Variants in HERC3 observed in about 807,000 individuals in gnomAD.
The protein encoded by HERC3 is HECT and RLD domain containing E3 ubiquitin protein ligase 3.
In HERC3, 58 loss-of-function variants were observed where a neutral mutation model predicts 129.9. The ratio of observed to expected loss-of-function variants is 0.45; its 90% CI spans 0.36 to 0.56. The LOEUF is 0.56. Among genes scored for constraint, HERC3 ranks in the 20% least tolerant of loss-of-function variants. HERC3 has a pLI of 0.00. For synonymous variants in HERC3, 430 were observed against 451.0 expected (o/e 0.95, Z 0.59); for missense variants, 835 against 1,244.2 (o/e 0.67, Z 4.95).
At chr4:88,669,446 C>CT (rs900640442) in intron 14 of HERC3, among the ~76,000 whole-genome samples, 40 of 152,222 alleles carry the variant, frequency 2.6e-4, no homozygotes, top group African/African-American at 9.2e-4. Context: ...ATTGGTGCTG[C>CT]TTCTAGGGTA....
the HERC3 span, among the ~76,000 whole-genome samples, chr4:88,576,402 C>T: frequency 1.1e-4 from 16 of 152,138 alleles, no homozygotes; most frequent in South Asian, 3.3e-3. Context: ...AATTTACCTC[C>T]TGCCACCCCT....
chr4:88,541,054 C>G, the HERC3 span, among the ~76,000 whole-genome samples: 1 of 152,136 alleles, frequency 6.6e-6, no homozygotes, highest in African/African-American at 2.4e-5. Context: ...AAATAACCAG[C>G]TAACATCATA....
At chr4:88,653,192 A>G (rs1202198141) in intron 6 of HERC3, 102 bp downstream of exon 6, 1 of 1,120,596 alleles carries the variant, frequency 8.9e-7, no homozygotes, top group Non-Finnish European at 1.3e-6. Context: ...TGAGATACTA[A>G]GGGAGAAGCA....
intron 23 of HERC3, chr4:88,697,442 G>A (rs1397160916): frequency 6.2e-7 from 1 of 1,614,064 alleles, no homozygotes; most frequent in Admixed American, 1.7e-5. Context: ...TTTTTTTCCA[G>A]AGCCTGAAAT....
chr4:88,529,843 A>C, the HERC3 span, among the ~76,000 whole-genome samples: 1 of 152,210 alleles, frequency 6.6e-6, no homozygotes, highest in Non-Finnish European at 1.5e-5. Context: ...TTTTTTATTT[A>C]ATAAAGTAGT....
At chr4:88,654,342 G>C (rs922416680) in intron 7 of HERC3, among the ~76,000 whole-genome samples, 1 of 86,636 alleles carries the variant, frequency 1.2e-5, no homozygotes, top group Non-Finnish European at 2.2e-5. Context: ...TAATCTTGTA[G>C]ATTTTTCATA....
chr4:88,661,323 T>C (rs1218418555), intron 10 of HERC3, among the ~76,000 whole-genome samples: 1 of 152,236 alleles, frequency 6.6e-6, no homozygotes, highest in African/African-American at 2.4e-5. Flanking sequence ...AGAATAGTTA[T>C]CAATAACCAG....
rs894383332 is a variant in HERC3, at chr4:88,704,496, T to C, written c.2842-12T>C. On this transcript the variant is annotated splice_polypyrimidine_tract_variant and intron_variant, in intron 24 of 25. Coordinates refer to ENST00000402738, the MANE Select transcript of HERC3 (RefSeq NM_014606.3). ...CAAGATACATTTTTTTCTTTTTCTC[T>C]TTTTTGGACAGACTGCCATCTACAA... 2.5e-5 allele frequency: 38 copies of C among 1,543,042 alleles called. No homozygotes were observed. The highest frequency in any genetic ancestry group is 3.3e-5 in the Non-Finnish European group (37 of 1,132,552).
the HERC3 span, among the ~76,000 whole-genome samples, chr4:88,562,643 T>G: frequency 3.3e-5 from 5 of 152,332 alleles, no homozygotes; most frequent in East Asian, 9.6e-4. Flanking sequence ...AGGTATTAGA[T>G]TCAAAACTTT....
chr4:88,621,612 G>C (rs1361394613), intron 3 of HERC3, among the ~76,000 whole-genome samples: 1 of 152,118 alleles, frequency 6.6e-6, no homozygotes, highest in Non-Finnish European at 1.5e-5. Flanking sequence ...TTGCTGTCAG[G>C]CATTTGCTTG....
chr4:88,683,476 G>T (rs1436615147), intron 21 of HERC3, among the ~76,000 whole-genome samples: 1 of 151,202 alleles, frequency 6.6e-6, no homozygotes, highest in Non-Finnish European at 1.5e-5. Context: ...TGAAAGAAAA[G>T]GCTAGAGAGC....
At chr4:88,577,605 G>GTATATATATATATACATATATA in the HERC3 span, among the ~76,000 whole-genome samples, 5 of 131,830 alleles carry the variant, frequency 3.8e-5, no homozygotes, top group African/African-American at 2.1e-4. Context: ...GTATGTGTGT[G>GTATATATATATATACATATATA]TATATATATA....
At chr4:88,662,576 AT>A (rs771341095) in intron 11 of HERC3, 21 bp downstream of exon 11, 146 of 1,568,340 alleles carry the variant, frequency 9.3e-5, no homozygotes, top group Admixed American at 3.8e-4. Flanking sequence ...GCTTGTCTTC[AT>A]TTTTTTTTCC....
At chr4:88,608,338 C>T (rs1336526421) in intron 3 of HERC3, among the ~76,000 whole-genome samples, 3 of 152,202 alleles carry the variant, frequency 2.0e-5, no homozygotes, top group Non-Finnish European at 2.9e-5. Context: ...GCCTACTCAT[C>T]TGGGGGCAGT....
chr4:88,524,381 T>C, the HERC3 span, among the ~76,000 whole-genome samples: 14 of 152,222 alleles, frequency 9.2e-5, no homozygotes, highest in African/African-American at 3.1e-4. Context: ...GCAAGGGGCC[T>C]AAATAGCTGT....
chr4:88,669,891 T>C lies in HERC3; in HGVS notation c.1665T>C (p.Tyr555=), dbSNP rs1209911892. ...GGTGGTCTCAGGTATGCCCGAAATA[T>C]TTCATGAAGCTGGTAAACCTCTATA... ...DNWWSQVCPK[Y]FMKLVNLYKG... Residue 555 remains tyrosine, a synonymous_variant, in exon 15 of 26, where the codon TAT becomes TAC. Transcript: ENST00000402738. The C allele has an allele frequency of 1.2e-6, 2 of 1,613,606 alleles. No homozygotes were observed. The highest frequency in any genetic ancestry group is 3.3e-5 in the Admixed American group (2 of 59,980).
chr4:88,543,866 T>A, the HERC3 span, among the ~76,000 whole-genome samples: 1 of 152,200 alleles, frequency 6.6e-6, no homozygotes, highest in Non-Finnish European at 1.5e-5. Flanking sequence ...TGGCTAGCCA[T>A]ATGCAGAAAG....
At chr4:88,578,509 G>A in the HERC3 span, among the ~76,000 whole-genome samples, 4 of 152,122 alleles carry the variant, frequency 2.6e-5, no homozygotes, top group South Asian at 8.3e-4. Context: ...TTGAACCCGG[G>A]GGGTGGAGGT....
the HERC3 span, among the ~76,000 whole-genome samples, chr4:88,566,922 T>G: frequency 6.6e-6 from 1 of 152,202 alleles, no homozygotes. Context: ...CTCAAGTTTC[T>G]AGGACTACAG....
Sources: gnomAD v4.1 joint callset for allele counts (sites outside exome capture counted in the v4.1 genomes callset) on GRCh38, gnomAD v4.1.1 for gene constraint, MANE v1.5 for transcripts, NCBI Gene and HGNC (gene_info 2026-07-23, HGNC 2026-07-21) for gene names.